Variants in PARP4 observed in about 807,000 individuals in gnomAD.
PARP4 encodes the protein protein mono-ADP-ribosyltransferase PARP4.
A neutral mutation model predicts 187.7 loss-of-function variants in PARP4; 120 were observed. That is an observed-to-expected ratio of 0.64 (90% CI 0.55 to 0.74). The LOEUF is 0.74. PARP4 is among the 30% of genes least tolerant of loss of function. The pLI, the probability that PARP4 is intolerant of heterozygous loss-of-function variation, is 0.00. For synonymous variants in PARP4, 654 were observed against 740.9 expected, an observed-to-expected ratio of 0.88 and a Z score of 1.90; for missense variants, 1,836 against 2,070.5, an observed-to-expected ratio of 0.89 and a Z score of 2.20.
Position 24,456,408 on chromosome 13 carries a change from T to G in PARP4, c.2495A>C (p.His832Pro). Residue 832 changes from histidine to proline, a missense_variant, in exon 21 of 34, where the codon CAC becomes CCC. His to Pro is a moderately conservative substitution (Grantham distance 77). Transcript: ENST00000381989. Reference protein sequence around the residue: ...SSLDSSGFSLHIGLSAAYLPR... With the variant: ...SSLDSSGFSLPIGLSAAYLPR... ...GAGATAGGCAGCAGACAAACCGATGTGGAGAGAAAATCCACTGCTGTCTAA... is the reference window on the plus strand; with the variant it reads ...GAGATAGGCAGCAGACAAACCGATGGGGAGAGAAAATCCACTGCTGTCTAA... The G allele has an allele frequency of 6.2e-7, 1 of 1,612,468 alleles. No individual in the cohort carries two copies. Among genetic ancestry groups the G allele is most frequent in the East Asian group, 2.2e-5 (1 of 44,822 alleles).
chr13:24,512,331 C>A (rs1464086202), intron 1 of PARP4, among the ~76,000 whole-genome samples: 1 of 152,218 alleles, frequency 6.6e-6, no homozygotes, highest in Non-Finnish European at 1.5e-5. Context: ...TTGCACAATT[C>A]GAAACCTAAC....
chr13:24,500,396 C>A lies in PARP4; in HGVS notation c.335-14G>T. On this transcript the variant is annotated splice_polypyrimidine_tract_variant and intron_variant, in intron 3 of 33. Coordinates refer to ENST00000381989, the MANE Select transcript of PARP4 (RefSeq NM_006437.4). ...CTGTTTTCACTTCTAGAATTAAAAG[C>A]AAACAGCACACTTGTTTACTGCCCA... 1 of 1,567,148 alleles carries A rather than the reference C, an allele frequency of 6.4e-7. No homozygotes were observed. Among genetic ancestry groups the A allele is most frequent in the Non-Finnish European group, 8.7e-7 (1 of 1,144,278 alleles).
At chr13:24,482,404 T>C (rs1448652704) in intron 12 of PARP4, among the ~76,000 whole-genome samples, 5 of 152,222 alleles carry the variant, frequency 3.3e-5, no homozygotes, top group African/African-American at 4.8e-5. Context: ...TGCTATCAAA[T>C]AGCATCTCAT....
In PARP4 at chr13:24,420,946, T is replaced by G; in HGVS notation, c.*173A>C. Reference sequence around the variant, plus strand: ...AAAACTGAAATATTTTAAGTTTCATTTTATTATTGCTTGTTAGTTGATTAA... The same window carrying G: ...AAAACTGAAATATTTTAAGTTTCATGTTATTATTGCTTGTTAGTTGATTAA... On this transcript the variant is annotated 3_prime_UTR_variant, in exon 34 of 34. Coordinates refer to ENST00000381989, the MANE Select transcript of PARP4 (RefSeq NM_006437.4). 1 of 742,864 alleles carries G rather than the reference T, an allele frequency of 1.3e-6. No homozygotes were observed. Among genetic ancestry groups the G allele is most frequent in the Non-Finnish European group, 1.9e-6 (1 of 523,866 alleles). The allele number at this position is 742,864 out of a possible 1,614,324, so 46.0% of individuals were successfully genotyped here. A position where few individuals can be genotyped will look rare whatever the true frequency, so the allele number is the denominator to read the frequency against.
chr13:24,438,927 G>A (rs1953516695), intron 30 of PARP4, among the ~76,000 whole-genome samples: 1 of 152,154 alleles, frequency 6.6e-6, no homozygotes, highest in South Asian at 2.1e-4. Context: ...AACAGATATC[G>A]AGGAAGAGTA....
intron 14 of PARP4, 79 bp downstream of exon 14, chr13:24,477,622 T>C (rs980848538): frequency 1.2e-6 from 1 of 816,038 alleles, no homozygotes; most frequent in Non-Finnish European, 2.0e-6. Context: ...CAAATGCAAA[T>C]ATACATTCCA....
chr13:24,443,861 G>T lies in PARP4; in HGVS notation c.3367-131C>A, dbSNP rs1425245287. The T allele has an allele frequency of 7.5e-6, 5 of 662,678 alleles. No individual in the cohort carries two copies. The East Asian group carries it at 1.3e-4, about 17-fold the overall frequency. The allele number at this position is 662,678 out of a possible 1,614,324, so 41.0% of individuals were successfully genotyped here. ...TGCACTCCTCTTAAATACACAGTTT[G>T]ATGAGTCTTAAGGGATGTATACAGT... On this transcript the variant is annotated intron_variant, in intron 27 of 33. Coordinates refer to ENST00000381989, the MANE Select transcript of PARP4 (RefSeq NM_006437.4).
intron 25 of PARP4, among the ~76,000 whole-genome samples, chr13:24,448,457 A>G (rs533890013): frequency 0.027 from 269 of 9,900 alleles, 2 homozygotes; most frequent in Admixed American, 0.032. Context: ...ATCAATAAGG[A>G]AAAAAAAAAG....
At chr13:24,491,092 C>T (rs1284210098) in intron 9 of PARP4, among the ~76,000 whole-genome samples, 4 of 151,730 alleles carry the variant, frequency 2.6e-5, no homozygotes, top group African/African-American at 7.3e-5. Context: ...GGGCACTATA[C>T]GTTCCCTCTT....
intron 30 of PARP4, among the ~76,000 whole-genome samples, chr13:24,440,755 C>T (rs1034041362): frequency 4.3e-4 from 66 of 152,164 alleles, no homozygotes; most frequent in South Asian, 6.2e-4. Context: ...TGTTTACTGA[C>T]TTTCAATCAT....
intron 20 of PARP4, among the ~76,000 whole-genome samples, chr13:24,458,699 G>T (rs530270498): frequency 6.6e-6 from 1 of 152,296 alleles, no homozygotes; most frequent in African/African-American, 2.4e-5. Flanking sequence ...TGGAATGAAG[G>T]GGAGAGGAAA....
chr13:24,441,012 C>T lies in PARP4; in HGVS notation c.3666+834G>A, dbSNP rs570478808. Among the ~76,000 whole-genome samples the T allele has an allele frequency of 1.6e-3, 246 of 152,256 alleles. 1 individual carries two copies. The highest frequency in any genetic ancestry group is 4.9e-3 in the African/African-American group (202 of 41,566). On this transcript the variant is annotated intron_variant, in intron 30 of 33. Transcript: ENST00000381989. ...ACAGCCTCTTGAGTAGCTGGGACTA[C>T]AGGCAAGCACCACCACGCCCAGCTA...
intron 33 of PARP4, among the ~76,000 whole-genome samples, chr13:24,423,928 G>T (rs917686720): frequency 2.1e-4 from 32 of 152,230 alleles, no homozygotes; most frequent in African/African-American, 7.7e-4. Flanking sequence ...CTCCCAAAGT[G>T]CTGGGATTAC....
intron 24 of PARP4, 31 bp downstream of exon 24, chr13:24,452,375 T>G: frequency 6.3e-7 from 1 of 1,585,654 alleles, no homozygotes; most frequent in Non-Finnish European, 8.6e-7. Flanking sequence ...CCCGTGGGTC[T>G]GGACTATGTG....
chr13:24,449,922 G>T, intron 24 of PARP4, 105 bp from the exon 25 acceptor site: 1 of 621,842 alleles, frequency 1.6e-6, no homozygotes, highest in Non-Finnish European at 2.9e-6. Context: ...GAGACATGAC[G>T]TGGGGAAGAA....
At chr13:24,467,888 T>C (rs1356672869) in intron 17 of PARP4, among the ~76,000 whole-genome samples, 2 of 152,160 alleles carry the variant, frequency 1.3e-5, no homozygotes, top group East Asian at 1.9e-4. Context: ...CTTCTATACA[T>C]ACAGTTTGGC....
chr13:24,442,186 C>T (rs1268807477), intron 29 of PARP4, among the ~76,000 whole-genome samples: 12 of 150,722 alleles, frequency 8.0e-5, no homozygotes, highest in Non-Finnish European at 1.6e-4. Context: ...GGGCACGTTA[C>T]GTGAATTTCC....
Position 24,428,105 on chromosome 13 carries a change from C to T in PARP4, c.4847-1507G>A, listed in dbSNP as rs189029570. On this transcript the variant is annotated intron_variant, in intron 32 of 33. Transcript: ENST00000381989. ...AGAAAAAAGACAGCTTGAGACTCTA[C>T]GTCGAAGAAGGAAGGCAGAAAAGCA... Among the ~76,000 whole-genome samples the T allele has an allele frequency of 9.2e-3, 1,397 of 152,216 alleles. 9 individuals carry two copies. Among genetic ancestry groups the T allele is most frequent in the Non-Finnish European group, 0.014 (963 of 68,022 alleles).
chr13:24,435,039 G>C lies in PARP4; in HGVS notation c.4102C>G (p.Pro1368Ala). The C allele has an allele frequency of 6.2e-7, 1 of 1,614,048 alleles. No homozygotes were observed. The highest frequency in any genetic ancestry group is 8.5e-7 in the Non-Finnish European group (1 of 1,180,044). Residue 1368 changes from proline to alanine, a missense_variant, in exon 31 of 34, where the codon CCT (proline) becomes GCT (alanine). Around this residue, in one of 8 missense-constraint regions of PARP4, gnomAD observed 450 missense variants for 439.2 expected, o/e 1.02. Transcript: ENST00000381989. The stretch of plus-strand genomic sequence containing the variant: ...CAGTCAGCACAAGTGCCAGGCACAG[G>C]GCCTTGGCTGAATTGAGATGCATCA... ...QFDASQFSQGPVPGTCADWIP... is the reference protein window; with the variant it reads ...QFDASQFSQGAVPGTCADWIP...
Sources: gnomAD v4.1 joint callset for allele counts (sites outside exome capture counted in the v4.1 genomes callset) on GRCh38, gnomAD v4.1.1 for gene constraint, gnomAD v4.1.1 regional missense constraint, MANE v1.5 for transcripts, NCBI Gene and HGNC (gene_info 2026-07-23, HGNC 2026-07-21) for gene names.